Variants in MYO3B observed in about 807,000 individuals in gnomAD.
MYO3B encodes the protein myosin IIIB.
MYO3B carries 156 observed loss-of-function variants against 174.6 expected under a neutral mutation model. The observed-to-expected ratio is 0.89, with a 90% confidence interval of 0.78 to 1.02. The LOEUF (loss-of-function observed/expected upper bound fraction) is 1.02. MYO3B is among the 50% of genes least tolerant of loss of function. MYO3B has a pLI of 0.00. For missense variants in MYO3B, 1,632 were observed against 1,639.4 expected (o/e 1.00, Z 0.08); for synonymous variants, 563 against 569.1 (o/e 0.99, Z 0.15).
Position 170,653,165 on chromosome 2 carries a change from A to T in MYO3B, c.*44A>T. ...AAATCTGTCCAGAGTAGGAACATTC[A>T]TGGTAATCGACTGTCTGTCATTGCG... On this transcript the variant is annotated 3_prime_UTR_variant, in exon 35 of 35. Coordinates refer to ENST00000408978, the MANE Select transcript of MYO3B (RefSeq NM_138995.5). 1.2e-6 allele frequency: 2 copies of T among 1,610,816 alleles called. No individual in the cohort carries two copies. The highest frequency in any genetic ancestry group is 1.7e-6 in the Non-Finnish European group (2 of 1,177,356).
intron 9 of MYO3B, among the ~76,000 whole-genome samples, chr2:170,372,634 G>C (rs1211709367): frequency 6.6e-6 from 1 of 152,170 alleles, no homozygotes; most frequent in African/African-American, 2.4e-5. Flanking sequence ...GTGTGTGATA[G>C]AGACAAGAAT....
intron 22 of MYO3B, among the ~76,000 whole-genome samples, chr2:170,411,289 G>A (rs759876542): frequency 1.3e-5 from 2 of 152,080 alleles, no homozygotes; most frequent in Non-Finnish European, 1.5e-5. Context: ...GAAATGCATC[G>A]TTAGTTGATT....
intron 32 of MYO3B, among the ~76,000 whole-genome samples, chr2:170,618,741 G>C (rs889131515): frequency 5.3e-5 from 8 of 152,114 alleles, no homozygotes; most frequent in Non-Finnish European, 1.0e-4. Context: ...TGGTTAGTGA[G>C]GGATTTAGGG....
intron 25 of MYO3B, among the ~76,000 whole-genome samples, chr2:170,474,683 C>T (rs1685203382): frequency 3.2e-5 from 4 of 124,500 alleles, no homozygotes; most frequent in South Asian, 2.8e-4. Context: ...GTGGAGATTG[C>T]GGTGAGCCGA....
intron 7 of MYO3B, among the ~76,000 whole-genome samples, chr2:170,284,727 A>G (rs1236103057): frequency 6.6e-6 from 1 of 152,196 alleles, no homozygotes; most frequent in African/African-American, 2.4e-5. Flanking sequence ...CGTTTTGAGA[A>G]AAAGGAATTT....
intron 32 of MYO3B, among the ~76,000 whole-genome samples, chr2:170,598,737 T>C (rs1694303935): frequency 6.6e-6 from 1 of 152,218 alleles, no homozygotes; most frequent in Non-Finnish European, 1.5e-5. Context: ...AGCCATTTCC[T>C]AGTTATGTGA....
intron 16 of MYO3B, among the ~76,000 whole-genome samples, chr2:170,394,268 A>G (rs1158062764): frequency 6.6e-6 from 1 of 152,210 alleles, no homozygotes; most frequent in Admixed American, 6.5e-5. Context: ...CAAAAATTCA[A>G]AACATTGCAA....
intron 22 of MYO3B, among the ~76,000 whole-genome samples, chr2:170,441,538 C>T (rs2094800699): frequency 6.6e-6 from 1 of 152,202 alleles, no homozygotes; most frequent in South Asian, 2.1e-4. Flanking sequence ...AATGGCTGCT[C>T]CATAGGCAGA....
intron 32 of MYO3B, among the ~76,000 whole-genome samples, chr2:170,591,984 A>G (rs540894100): frequency 1.3e-5 from 2 of 152,308 alleles, no homozygotes; most frequent in South Asian, 4.1e-4. Flanking sequence ...CATACCAAGC[A>G]TTATCTTATA....
At chr2:170,303,154 G>T (rs1055179277) in intron 7 of MYO3B, among the ~76,000 whole-genome samples, 2 of 151,956 alleles carry the variant, frequency 1.3e-5, no homozygotes, top group African/African-American at 4.8e-5. Context: ...TTCCAACTAT[G>T]TTGTCTATGA....
intron 32 of MYO3B, among the ~76,000 whole-genome samples, chr2:170,585,062 G>T (rs1693411705): frequency 6.6e-6 from 1 of 152,212 alleles, no homozygotes; most frequent in Admixed American, 6.5e-5. Context: ...TGATCTGCTG[G>T]AGTCCCACCT....
intron 22 of MYO3B, among the ~76,000 whole-genome samples, chr2:170,413,433 T>C (rs1018133502): frequency 3.3e-5 from 5 of 152,148 alleles, no homozygotes; most frequent in Non-Finnish European, 4.4e-5. Flanking sequence ...GGCAGGCTGC[T>C]GAGCAGAGGA....
chr2:170,336,975 A>T (rs946095740), intron 8 of MYO3B, among the ~76,000 whole-genome samples: 2 of 151,560 alleles, frequency 1.3e-5, no homozygotes, highest in Non-Finnish European at 1.5e-5. Context: ...ATGACCATGA[A>T]GTTGAAGGTC....
At chr2:170,286,238 C>G (rs895788414) in intron 7 of MYO3B, among the ~76,000 whole-genome samples, 2 of 152,154 alleles carry the variant, frequency 1.3e-5, no homozygotes, top group African/African-American at 2.4e-5. Flanking sequence ...CAGGTTTCTC[C>G]GTTGCTCTGT....
intron 8 of MYO3B, among the ~76,000 whole-genome samples, chr2:170,346,717 A>G (rs10497362): frequency 0.018 from 2,721 of 152,310 alleles, 85 homozygotes; most frequent in African/African-American, 0.062. Context: ...GACTTCAGGA[A>G]CTAAATATAT....
chr2:170,309,556 C>T (rs932512296), intron 7 of MYO3B, among the ~76,000 whole-genome samples: 6 of 152,184 alleles, frequency 3.9e-5, no homozygotes, highest in Non-Finnish European at 8.8e-5. Flanking sequence ...GGTATTTACA[C>T]TTCATGAGGG....
At chr2:170,453,360 T>C (rs1209191733) in intron 23 of MYO3B, among the ~76,000 whole-genome samples, 2 of 151,350 alleles carry the variant, frequency 1.3e-5, no homozygotes, top group Non-Finnish European at 2.9e-5. Flanking sequence ...ATCCTTTTTT[T>C]CTATTAATCA....
At chr2:170,468,853 A>G (rs1425434440) in intron 25 of MYO3B, among the ~76,000 whole-genome samples, 1 of 152,156 alleles carries the variant, frequency 6.6e-6, no homozygotes, top group Non-Finnish European at 1.5e-5. Context: ...TGTTCTGGCA[A>G]ATGTCTAAAA....
chr2:170,270,894 T>C (rs986984046), intron 7 of MYO3B, among the ~76,000 whole-genome samples: 1 of 152,182 alleles, frequency 6.6e-6, no homozygotes, highest in Admixed American at 6.5e-5. Flanking sequence ...ATGGTAAATA[T>C]GAGATAAAGG....
Sources: allele counts gnomAD v4.1 joint callset (sites outside exome capture counted in the v4.1 genomes callset), GRCh38; gene constraint gnomAD v4.1.1; transcripts MANE v1.5; gene names NCBI Gene and HGNC (gene_info 2026-07-23, HGNC 2026-07-21).